Variants in GABRB1 observed in about 807,000 individuals in gnomAD.
The protein encoded by GABRB1 is gamma-aminobutyric acid receptor subunit beta-1.
Under a neutral mutation model 51.6 loss-of-function variants are expected in GABRB1, and 17 were observed. The observed-to-expected ratio is 0.33, with a 90% CI of 0.23 to 0.49. The LOEUF (loss-of-function observed/expected upper bound fraction) is 0.49. Ranked by LOEUF, GABRB1 falls within the 20% of genes least tolerant of loss-of-function variation. The pLI, the probability that GABRB1 is intolerant of heterozygous loss-of-function variation, is 0.99. For synonymous variants in GABRB1, 247 were observed against 218.9 expected, an observed-to-expected ratio of 1.13 and a Z score of -1.14; for missense variants, 410 against 600.6, an observed-to-expected ratio of 0.68 and a Z score of 3.32.
intron 3 of GABRB1, among the ~76,000 whole-genome samples, chr4:47,113,315 G>A (rs1715315824): frequency 6.6e-6 from 1 of 151,752 alleles, no homozygotes; most frequent in South Asian, 2.1e-4. Flanking sequence ...GAACCTGGGA[G>A]GCGGAGGTTG....
chr4:47,319,326 C>T (rs1236630235), intron 4 of GABRB1, among the ~76,000 whole-genome samples: 3 of 152,002 alleles, frequency 2.0e-5, no homozygotes, highest in East Asian at 3.9e-4. Flanking sequence ...AATCTCTCTC[C>T]CTCTCTCTGG....
intron 4 of GABRB1, among the ~76,000 whole-genome samples, chr4:47,225,579 A>T (rs1036966883): frequency 6.6e-6 from 1 of 152,152 alleles, no homozygotes; most frequent in African/African-American, 2.4e-5. Flanking sequence ...AATTGTGGAA[A>T]TTCCAGCTAG....
At chr4:47,280,348 A>T (rs1723239661) in intron 4 of GABRB1, among the ~76,000 whole-genome samples, 1 of 151,846 alleles carries the variant, frequency 6.6e-6, no homozygotes, top group Non-Finnish European at 1.5e-5. Flanking sequence ...TCCCTTAAAC[A>T]CATTACTGCA....
At chr4:46,998,477 A>T (rs1282966557) in intron 1 of GABRB1, among the ~76,000 whole-genome samples, 1 of 152,170 alleles carries the variant, frequency 6.6e-6, no homozygotes, top group Admixed American at 6.5e-5. Context: ...TCACGTGTGT[A>T]ATCCCAGCAC....
chr4:47,264,596 A>G (rs1476895321), intron 4 of GABRB1, among the ~76,000 whole-genome samples: 1 of 152,256 alleles, frequency 6.6e-6, no homozygotes, highest in African/African-American at 2.4e-5. Context: ...AATGCAAACC[A>G]TGAGATGAAA....
intron 3 of GABRB1, among the ~76,000 whole-genome samples, chr4:47,138,258 A>G (rs568422603): frequency 1.3e-5 from 2 of 152,166 alleles, no homozygotes; most frequent in Non-Finnish European, 2.9e-5. Context: ...TTAACCTGAA[A>G]TCAATTTGGG....
chr4:47,341,398 T>C (rs1340487900), intron 5 of GABRB1, among the ~76,000 whole-genome samples: 2 of 152,202 alleles, frequency 1.3e-5, no homozygotes, highest in African/African-American at 4.8e-5. Flanking sequence ...TTTGCACTTA[T>C]GGAAATGTAT....
At chr4:47,398,314 C>A (rs4407474) in intron 5 of GABRB1, among the ~76,000 whole-genome samples, 55,846 of 152,026 alleles carry the variant, frequency 0.37, 11,303 homozygotes, top group African/African-American at 0.53. Context: ...CAATTGCATA[C>A]TTTGCAAATC....
intron 3 of GABRB1, among the ~76,000 whole-genome samples, chr4:47,126,335 C>A (rs1278470349): frequency 6.6e-6 from 1 of 152,062 alleles, no homozygotes; most frequent in Non-Finnish European, 1.5e-5. Flanking sequence ...GTTCTAAAGA[C>A]CTAATGTATA....
intron 4 of GABRB1, among the ~76,000 whole-genome samples, chr4:47,302,319 T>C (rs1448164090): frequency 6.6e-6 from 1 of 152,116 alleles, no homozygotes; most frequent in Non-Finnish European, 1.5e-5. Context: ...AAAATTTGAA[T>C]GTAAAATTTT....
intron 3 of GABRB1, among the ~76,000 whole-genome samples, chr4:47,056,342 A>G (rs957247818): frequency 1.3e-5 from 2 of 152,186 alleles, no homozygotes; most frequent in Admixed American, 1.3e-4. Context: ...TTTGTTCAAT[A>G]TCACTGCTTT....
intron 1 of GABRB1, among the ~76,000 whole-genome samples, chr4:47,008,853 C>CTTTTTTTTTT (rs1491180948): frequency 1.5e-4 from 12 of 80,096 alleles, no homozygotes; most frequent in Non-Finnish European, 2.2e-4. Context: ...CAGATACTAC[C>CTTTTTTTTTT]TTTTTTTTTT....
intron 4 of GABRB1, among the ~76,000 whole-genome samples, chr4:47,269,677 G>A (rs770903706): frequency 8.6e-5 from 13 of 151,224 alleles, no homozygotes; most frequent in African/African-American, 1.5e-4. Flanking sequence ...TTTCTTCCCC[G>A]TGTCTTTGTC....
At chr4:47,136,380 G>A (rs1470378091) in intron 3 of GABRB1, among the ~76,000 whole-genome samples, 1 of 151,952 alleles carries the variant, frequency 6.6e-6, no homozygotes, top group East Asian at 1.9e-4. Context: ...CACCTTCTCT[G>A]TCACATGAAG....
intron 3 of GABRB1, among the ~76,000 whole-genome samples, chr4:47,109,840 A>C (rs1715143110): frequency 6.6e-6 from 1 of 152,182 alleles, no homozygotes. Flanking sequence ...TTCAATCTCA[A>C]GAATTAAACC....
intron 4 of GABRB1, among the ~76,000 whole-genome samples, chr4:47,172,115 A>G (rs1331243100): frequency 2.6e-5 from 4 of 152,154 alleles, no homozygotes; most frequent in Non-Finnish European, 5.9e-5. Context: ...TCCATGTAAC[A>G]TGCTGTTTAT....
chr4:47,066,335 T>C (rs1337424762), intron 3 of GABRB1, among the ~76,000 whole-genome samples: 2 of 152,224 alleles, frequency 1.3e-5, no homozygotes, highest in African/African-American at 2.4e-5. Context: ...GAGGCTGAAG[T>C]TGATGTGACA....
intron 5 of GABRB1, among the ~76,000 whole-genome samples, chr4:47,357,190 T>C (rs1236762198): frequency 1.3e-5 from 2 of 152,232 alleles, no homozygotes; most frequent in African/African-American, 4.8e-5. Context: ...CCTGACACTA[T>C]CACACCAAAG....
chr4:47,108,522 G>C (rs1715075018), intron 3 of GABRB1, among the ~76,000 whole-genome samples: 1 of 151,784 alleles, frequency 6.6e-6, no homozygotes, highest in Admixed American at 6.6e-5. Context: ...AAATACCAAA[G>C]TTTCACCTAT....
Sources: gnomAD v4.1 joint callset for allele counts (sites outside exome capture counted in the v4.1 genomes callset) on GRCh38, gnomAD v4.1.1 for gene constraint, MANE v1.5 for transcripts, NCBI Gene and HGNC (gene_info 2026-07-23, HGNC 2026-07-21) for gene names.